FIBP: variants seen among roughly 807,000 people sequenced by gnomAD.
The protein encoded by FIBP is FGF1 intracellular binding protein, also known as acidic fibroblast growth factor intracellular-binding protein.
In FIBP, 29 loss-of-function variants were observed where a neutral mutation model predicts 40.5. The observed-to-expected ratio is 0.72, with a 90% CI of 0.53 to 0.98. The LOEUF (loss-of-function observed/expected upper bound fraction) is 0.98. FIBP is among the 50% of genes least tolerant of loss of function. The pLI is 0.00. For missense variants in FIBP, 411 were observed against 470.2 expected (o/e 0.87, Z 1.16); for synonymous variants, 215 against 191.1 (o/e 1.13, Z -1.03).
At position 65,888,078 on chromosome 11, in the gene FIBP, G is replaced by A. The variant is rs138356472; in HGVS notation, c.140C>T (p.Ala47Val). The change falls in exon 2 of 10, where the codon GCC (alanine) becomes GTC (valine). Residue 47 changes from alanine (A) to valine (V), a missense_variant. By Grantham distance (64) the Ala-to-Val change is moderately conservative. Transcript: ENST00000357519. The stretch of plus-strand genomic sequence containing the variant: ...GTCGCTCTGCAGCACCGCTGCCGTG[G>A]CGCCAGTCTGCTCCAGGATTCCCGA... ...VRSGILEQTG[A>V]TAAVLQSDTM... is the part of the protein sequence containing the mutation. 1 of 1,605,244 alleles carries A rather than the reference G, an allele frequency of 6.2e-7. No individual in the cohort carries two copies. The highest frequency in any genetic ancestry group is 8.5e-7 in the Non-Finnish European group (1 of 1,177,632).
chr11:65,885,028 C>A (rs1452547485), intron 6 of FIBP, 30 bp from the exon 7 acceptor site: 5 of 1,614,062 alleles, frequency 3.1e-6, no homozygotes, highest in Non-Finnish European at 4.2e-6. Context: ...CGCCTATAGC[C>A]ACCTGGGCCC....
At position 65,885,016 on chromosome 11, in the gene FIBP, C is replaced by G. The variant is rs779062281; in HGVS notation, c.756-18G>C. ...ACACCAGGCTGCAGAGAGACAGGGTCACGCCTATAGCCACCTGGGCCCCTA... is the reference window on the plus strand; with the variant it reads ...ACACCAGGCTGCAGAGAGACAGGGTGACGCCTATAGCCACCTGGGCCCCTA... On this transcript the variant is annotated intron_variant, in intron 6 of 9. Transcript: ENST00000357519. 1 of 1,614,156 alleles carries G rather than the reference C, an allele frequency of 6.2e-7. No individual in the cohort carries two copies. The highest frequency in any genetic ancestry group is 1.1e-5 in the South Asian group (1 of 91,080).
At chr11:65,888,212 A>G (rs1860295809) in intron 1 of FIBP, 80 bp from the exon 2 acceptor site, 6 of 1,475,404 alleles carry the variant, frequency 4.1e-6, no homozygotes, top group Admixed American at 2.0e-5. Context: ...GACCCCTATA[A>G]CACCTCTTAT....
In FIBP at chr11:65,884,003, C is replaced by G. The variant is rs200002664; in HGVS notation, c.1045G>C (p.Gly349Arg). Reference protein sequence around the residue: ...LWDRYMGTLRGCLLRLYHD With the variant: ...LWDRYMGTLRRCLLRLYHD ...TCATGATACAGGCGCAGGAGGCAGC[C>G]GCGGAGGGTGCCCATGTAGCGGTCC... The change falls in exon 10 of 10, where the codon GGC (glycine) becomes CGC (arginine). Residue 349 changes from glycine (G) to arginine (R), a missense_variant. Coordinates refer to ENST00000357519, the MANE Select transcript of FIBP (RefSeq NM_004214.5). The G allele has an allele frequency of 6.2e-7, 1 of 1,613,962 alleles. No homozygotes were observed. Among genetic ancestry groups the G allele is most frequent in the Non-Finnish European group, 8.5e-7 (1 of 1,179,982 alleles).
chr11:65,884,518 T>G, intron 8 of FIBP, 29 bp from the exon 9 acceptor site: 1 of 1,613,972 alleles, frequency 6.2e-7, no homozygotes, highest in South Asian at 1.1e-5. Flanking sequence ...ACTTAGCACT[T>G]GTATAGGCCA....
chr11:65,887,414 C>A, intron 3 of FIBP, 186 bp downstream of exon 3: 1 of 670,646 alleles, frequency 1.5e-6, no homozygotes, highest in Non-Finnish European at 2.6e-6. Flanking sequence ...CCACTGCACT[C>A]CAGCTTGGGC....
intron 5 of FIBP, 164 bp from the exon 6 acceptor site, chr11:65,885,350 C>T (rs1860207849): frequency 5.5e-6 from 5 of 907,972 alleles, no homozygotes; most frequent in Non-Finnish European, 6.9e-6. Context: ...GGCAATGGGC[C>T]CTTTGTCTGC....
intron 2 of FIBP, 21 bp from the exon 3 acceptor site, chr11:65,887,747 C>T: frequency 6.2e-7 from 1 of 1,612,716 alleles, no homozygotes; most frequent in South Asian, 1.1e-5. Context: ...CAGAGAACAC[C>T]ATTGACCCTC....
rs951303379 is a variant in FIBP, at chr11:65,883,878, C to T, written c.*96G>A. On this transcript the variant is annotated 3_prime_UTR_variant, in exon 10 of 10. Coordinates refer to ENST00000357519, the MANE Select transcript of FIBP (RefSeq NM_004214.5). ...AGGTGCTCAGAGACAGACACAGGCA[C>T]ATCTGCACGCCCCCCACTTGCTCCC... 2.1e-5 allele frequency: 23 copies of T among 1,074,662 alleles called. No individual in the cohort carries two copies. Among genetic ancestry groups the T allele is most frequent in the African/African-American group, 3.1e-5 (2 of 64,908 alleles). 66.6% of individuals were successfully genotyped at this position (1,074,662 alleles called of 1,614,324 possible).
At chr11:65,886,642 T>C (rs1860245474) in intron 3 of FIBP, 3 of 507,902 alleles carry the variant, frequency 5.9e-6, no homozygotes, top group African/African-American at 5.8e-5. Flanking sequence ...CTTGGATAAA[T>C]GTTTACTCAA....
At position 65,885,624 on chromosome 11, in the gene FIBP, A is replaced by G; in HGVS notation, c.552T>C (p.Phe184=). ...AAIVFFANNR[F]ETGKKKLQYL... The stretch of plus-strand genomic sequence containing the variant: ...ACTGCAGTTTTTTCTTCCCTGTCTC[A>G]AAGCGGTTGTTAGCAAAGAAGACGA... Residue 184 remains phenylalanine, a synonymous_variant, in exon 5 of 10, where the codon TTT becomes TTC. Transcript: ENST00000357519. 1 of 1,614,154 alleles carries G rather than the reference A, an allele frequency of 6.2e-7. No individual in the cohort carries two copies. Among genetic ancestry groups the G allele is most frequent in the African/African-American group, 1.3e-5 (1 of 75,034 alleles).
chr11:65,886,639 A>G (rs1237720831), intron 3 of FIBP: 3 of 513,960 alleles, frequency 5.8e-6, no homozygotes, highest in African/African-American at 5.8e-5. Context: ...TGCCTTGGAT[A>G]AATGTTTACT....
chr11:65,885,505 G>C, intron 5 of FIBP, 25 bp downstream of exon 5: 1 of 1,605,098 alleles, frequency 6.2e-7, no homozygotes, highest in Non-Finnish European at 8.5e-7. Context: ...AGGCGTCCAG[G>C]CACCTGGGTC....
At chr11:65,885,999 C>A (rs35055498) in intron 4 of FIBP, 1 of 443,026 alleles carries the variant, frequency 2.3e-6, no homozygotes, top group Admixed American at 3.8e-5. Flanking sequence ...GAATCCAGGT[C>A]AGTCTGGTCC....
chr11:65,886,521 A>C, intron 3 of FIBP, 99 bp from the exon 4 acceptor site: 1 of 775,620 alleles, frequency 1.3e-6, no homozygotes, highest in Non-Finnish European at 2.3e-6. Context: ...TTCCCCATCC[A>C]CCTATCCAGT....
At chr11:65,886,117 G>A in intron 4 of FIBP, 1 of 517,602 alleles carries the variant, frequency 1.9e-6, no homozygotes, top group Non-Finnish European at 3.4e-6. Flanking sequence ...AGTGAGCCAA[G>A]ATTGCACCAT....
chr11:65,884,778 G>A, intron 7 of FIBP, 122 bp from the exon 8 acceptor site: 1 of 1,309,038 alleles, frequency 7.6e-7, no homozygotes, highest in Non-Finnish European at 1.1e-6. Flanking sequence ...CATCAACCAA[G>A]TCCCCATTGT....
At chr11:65,884,325 AGGCGAGGTCCTGGCAGGT>A in intron 9 of FIBP, 49 bp downstream of exon 9, 1 of 1,416,278 alleles carries the variant, frequency 7.1e-7, no homozygotes, top group Non-Finnish European at 9.9e-7. Context: ...AGTCTGCAGG[AGGCGAGGTCCTGGCAGGT>A]GGCAGGCTGG....
chr11:65,888,364 C>T lies in FIBP; in HGVS notation c.55G>A (p.Val19Met). 6.4e-7 allele frequency: 1 copy of T among 1,561,826 alleles called. No homozygotes were observed. Among genetic ancestry groups the T allele is most frequent in the Non-Finnish European group, 8.7e-7 (1 of 1,152,614 alleles). Residue 19 changes from valine to methionine, a missense_variant, in exon 1 of 10, where the codon GTG (valine) becomes ATG (methionine). Physicochemically the swap from Val to Met is conservative, Grantham distance 21. Coordinates refer to ENST00000357519, the MANE Select transcript of FIBP (RefSeq NM_004214.5). The part of the protein sequence containing the change: ...VGNTTLIDED[V>M]YRLWLDGYSV... Reference sequence around the variant, plus strand: ...TAACCATCGAGCCAGAGGCGATACACGTCCTCGTCGATAAGGGTCGTGTTC... The same window carrying T: ...TAACCATCGAGCCAGAGGCGATACATGTCCTCGTCGATAAGGGTCGTGTTC...
Sources: allele counts gnomAD v4.1 joint callset, GRCh38; gene constraint gnomAD v4.1.1; transcripts MANE v1.5; gene names NCBI Gene and HGNC (gene_info 2026-07-23, HGNC 2026-07-21).